DISP2: variants seen among roughly 807,000 people sequenced by gnomAD.
DISP2 encodes the protein protein dispatched homolog 2.
DISP2 carries 59 observed loss-of-function variants against 95.5 expected under a neutral mutation model. The ratio of observed to expected loss-of-function variants is 0.62; its 90% CI spans 0.50 to 0.77. The LOEUF (loss-of-function observed/expected upper bound fraction) is 0.77. DISP2 is among the 30% of genes least tolerant of loss of function. The pLI is 0.00. For missense variants in DISP2, 1,752 were observed against 1,854.6 expected (o/e 0.94, Z 1.02); for synonymous variants, 827 against 815.0 (o/e 1.01, Z -0.25).
At chr15:40,363,041 C>T (rs1003837477) in intron 1 of DISP2, among the ~76,000 whole-genome samples, 1 of 152,004 alleles carries the variant, frequency 6.6e-6, no homozygotes, top group Admixed American at 6.6e-5. Flanking sequence ...CGGTGGCTCA[C>T]GCCTGTAATC....
rs1889351304 is a variant in DISP2, at chr15:40,358,389, A to G, written c.68A>G (p.Glu23Gly). 6 of 1,357,378 alleles carry G rather than the reference A, an allele frequency of 4.4e-6. No individual in the cohort carries two copies. Among genetic ancestry groups the G allele is most frequent in the South Asian group, 1.8e-5 (1 of 56,656 alleles). The allele number at this position is 1,357,378 out of a possible 1,614,324, so 84.1% of individuals were successfully genotyped here. A position where few individuals can be genotyped will look rare whatever the true frequency, so the allele number is the denominator to read the frequency against. ...GCTCCCGGCCCGGGTCCGGAAGGGG[A>G]GCAACGGCCCGAGGGGGAGCCCTTG... ...GPAPGPGPEGEQRPEGEPLAP... is the reference protein window; with the variant it reads ...GPAPGPGPEGGQRPEGEPLAP... Residue 23 changes from glutamate to glycine, a missense_variant, in exon 1 of 8, where the codon GAG becomes GGG. Around this residue, in one of 5 missense-constraint regions of DISP2, gnomAD observed 342 missense variants for 364.3 expected, o/e 0.94. Coordinates refer to ENST00000267889, the MANE Select transcript of DISP2 (RefSeq NM_033510.3).
rs1889626693 is a variant in DISP2, at chr15:40,370,579, C to G, written c.*261C>G. On this transcript the variant is annotated 3_prime_UTR_variant, in exon 8 of 8. Coordinates refer to ENST00000267889, the MANE Select transcript of DISP2 (RefSeq NM_033510.3). ...TGAGGGCTTGTCTGCTCCCACAGCACCATCTAAGACCCCTCCTCTAGAAGT... is the reference window on the plus strand; with the variant it reads ...TGAGGGCTTGTCTGCTCCCACAGCAGCATCTAAGACCCCTCCTCTAGAAGT... The G allele has an allele frequency of 1.5e-6, 1 of 679,006 alleles. No homozygotes were observed. The highest frequency in any genetic ancestry group is 2.7e-6 in the Non-Finnish European group (1 of 375,422). The allele number at this position is 679,006 out of a possible 1,614,324, so 42.1% of individuals were successfully genotyped here.
At chr15:40,361,561 AG>A in intron 1 of DISP2, among the ~76,000 whole-genome samples, 1 of 152,328 alleles carries the variant, frequency 6.6e-6, no homozygotes, top group South Asian at 2.1e-4. Flanking sequence ...CCAGAGCCAA[AG>A]GGTGTTTGAG....
Position 40,368,160 on chromosome 15 carries a change from C to T in DISP2, c.2048C>T (p.Ala683Val). 2 of 1,542,264 alleles carry T rather than the reference C, an allele frequency of 1.3e-6. No homozygotes were observed. Among genetic ancestry groups the T allele is most frequent in the African/African-American group, 1.4e-5 (1 of 70,636 alleles). Reference sequence around the variant, plus strand: ...CGGCTCCGCGGCCTGCGGAGGGCGGCGGCTGGCACCTCGCGTCTGCTCTTC... The same window carrying T: ...CGGCTCCGCGGCCTGCGGAGGGCGGTGGCTGGCACCTCGCGTCTGCTCTTC... ...HRRLRGLRRAAAGTSRLLFQR... is the reference protein window; with the variant it reads ...HRRLRGLRRAVAGTSRLLFQR... The change falls in exon 8 of 8, where the codon GCG (alanine) becomes GTG (valine). Residue 683 changes from alanine (A) to valine (V), a missense_variant. Ala to Val is a moderately conservative substitution (Grantham distance 64). Transcript: ENST00000267889.
chr15:40,367,881 G>A lies in DISP2; in HGVS notation c.1769G>A (p.Gly590Asp), dbSNP rs1327977883. The A allele has an allele frequency of 1.9e-6, 3 of 1,598,948 alleles. No homozygotes were observed. Among genetic ancestry groups the A allele is most frequent in the Middle Eastern group, 1.6e-4 (1 of 6,080 alleles). Residue 590 changes from glycine (G) to aspartate (D), a missense_variant, in exon 8 of 8, where the codon GGC becomes GAC. Transcript: ENST00000267889. The part of the protein sequence containing the change: ...QRVGRTMHHF[G>D]YLLLVSGLTT... ...GTGGGCCGCACCATGCACCACTTCG[G>A]CTACCTGCTGCTGGTCTCCGGCCTC...
At position 40,367,585 on chromosome 15, in the gene DISP2, C is replaced by T. The variant is rs1480982445; in HGVS notation, c.1473C>T (p.Tyr491=). 9.9e-6 allele frequency: 16 copies of T among 1,613,980 alleles called. No homozygotes were observed. Among genetic ancestry groups the T allele is most frequent in the Admixed American group, 3.3e-5 (2 of 60,004 alleles). Residue 491 remains tyrosine, a synonymous_variant, in exon 8 of 8, where the codon TAC becomes TAT. Coordinates refer to ENST00000267889, the MANE Select transcript of DISP2 (RefSeq NM_033510.3). ...LRHFLVQDTV[Y]PLLALVAIFF... is the part of the protein sequence containing the mutation. ...ACTTCCTGGTCCAGGACACGGTGTA[C>T]CCCTTGCTGGCTCTGGTTGCCATCT...
chr15:40,367,424 C>T lies in DISP2; in HGVS notation c.1312C>T (p.Leu438Phe), dbSNP rs370777054. 15 of 1,613,676 alleles carry T rather than the reference C, an allele frequency of 9.3e-6. No individual in the cohort carries two copies. The highest frequency in any genetic ancestry group is 1.7e-5 in the Admixed American group (1 of 59,986). ...GGTGCCTTCCCTCAAGTACAGCCTG[C>T]TCTTCCTGCCCACCCCAAAGGGTGC... ...YQVPSLKYSL[L>F]FLPTPKGASL... Residue 438 changes from leucine (L) to phenylalanine (F), a missense_variant, in exon 8 of 8, where the codon CTC becomes TTC. This residue lies in a region of DISP2 where 732 missense variants were observed against 714.6 expected (regional missense o/e 1.02). Transcript: ENST00000267889.
rs771483396 is a variant in DISP2 at position 40,369,334 on chromosome 15, C to T, written c.3222C>T (p.Gly1074=). 26 of 1,613,048 alleles carry T rather than the reference C, an allele frequency of 1.6e-5. No individual in the cohort carries two copies. Among genetic ancestry groups the T allele is most frequent in the Middle Eastern group, 1.7e-4 (1 of 6,060 alleles). Residue 1074 remains glycine (G), a synonymous_variant, in exon 8 of 8, where the codon GGC becomes GGT. Transcript: ENST00000267889. The part of the protein sequence containing the change: ...AVGAAALFAA[G]VLMLPATVLL... The stretch of plus-strand genomic sequence containing the variant: ...GGGCTGCAGCCCTGTTTGCGGCAGG[C>T]GTGCTCATGCTGCCTGCCACAGTGC...
At chr15:40,363,280 C>A (rs1889435364) in intron 1 of DISP2, among the ~76,000 whole-genome samples, 1 of 150,710 alleles carries the variant, frequency 6.6e-6, no homozygotes, top group Non-Finnish European at 1.5e-5. Context: ...CCACTGCACC[C>A]CAGCCTGGGT....
chr15:40,370,085 C>G lies in DISP2; in HGVS notation c.3973C>G (p.Gln1325Glu). Residue 1325 changes from glutamine (Q) to glutamate (E), a missense_variant, in exon 8 of 8, where the codon CAG (glutamine) becomes GAG (glutamate). Physicochemically the swap from Gln to Glu is conservative, Grantham distance 29. Around this residue, in one of 5 missense-constraint regions of DISP2, gnomAD observed 347 missense variants for 344.2 expected, o/e 1.01. Coordinates refer to ENST00000267889, the MANE Select transcript of DISP2 (RefSeq NM_033510.3). ...VSPDDLDDTG[Q>E]PVLERGQLNG... ...CCCAGATGACCTGGATGACACTGGGCAGCCAGTCCTTGAGCGAGGCCAGCT... is the reference window on the plus strand; with the variant it reads ...CCCAGATGACCTGGATGACACTGGGGAGCCAGTCCTTGAGCGAGGCCAGCT... The G allele has an allele frequency of 6.2e-7, 1 of 1,612,396 alleles. No homozygotes were observed. The highest frequency in any genetic ancestry group is 1.1e-5 in the South Asian group (1 of 90,868).
chr15:40,358,610 C>A (rs1240742498), intron 1 of DISP2, among the ~76,000 whole-genome samples, 170 bp downstream of exon 1: 1 of 152,056 alleles, frequency 6.6e-6, no homozygotes, highest in African/African-American at 2.4e-5. Context: ...CTCATCCTGC[C>A]GGGTCAATTT....
At chr15:40,364,389 C>T (rs747304340) in intron 3 of DISP2, 32 bp from the exon 4 acceptor site, 1 of 1,613,418 alleles carries the variant, frequency 6.2e-7, no homozygotes, top group Non-Finnish European at 8.5e-7. Context: ...GCTACCACAC[C>T]CAACTCATGT....
chr15:40,364,811 T>A, intron 4 of DISP2, 27 bp from the exon 5 acceptor site: 1 of 1,606,484 alleles, frequency 6.2e-7, no homozygotes, highest in African/African-American at 1.3e-5. Flanking sequence ...CCTGCCCACC[T>A]GTTCTTCTCC....
In DISP2 at chr15:40,371,542, A is replaced by G. The variant is rs1889645724; in HGVS notation, c.*1224A>G. 1 of 152,256 alleles carries G rather than the reference A, an allele frequency of 6.6e-6. No individual in the cohort carries two copies. Among genetic ancestry groups the G allele is most frequent in the Non-Finnish European group, 1.5e-5 (1 of 68,078 alleles). The allele number at this position is 152,256 out of a possible 1,614,324, so 9.4% of individuals were successfully genotyped here. A position where few individuals can be genotyped will look rare whatever the true frequency, so the allele number is the denominator to read the frequency against. On this transcript the variant is annotated 3_prime_UTR_variant, in exon 8 of 8. Transcript: ENST00000267889. ...AGGTACTGAGGGGCAGAAGAGGTGAAGCCAAATCCAATCAAGGCAGGAACT... is the reference window on the plus strand; with the variant it reads ...AGGTACTGAGGGGCAGAAGAGGTGAGGCCAAATCCAATCAAGGCAGGAACT...
rs1314219176 is a variant in DISP2 at position 40,372,491 on chromosome 15, A to G, written c.*2173A>G. On this transcript the variant is annotated 3_prime_UTR_variant, in exon 8 of 8. Transcript: ENST00000267889. ...GAAGGCAATAGGCAGGTACGGCAGG[A>G]TACCTTGGCTCCTTTGCAAGATAAG... 6.6e-6 allele frequency: 1 copy of G among 152,222 alleles called. No homozygotes were observed. The highest frequency in any genetic ancestry group is 6.5e-5 in the Admixed American group (1 of 15,280). The allele number at this position is 152,222 out of a possible 1,614,324, so 9.4% of individuals were successfully genotyped here.
In DISP2 at chr15:40,372,786, CTT is replaced by C. The variant is rs1218403064; in HGVS notation, c.*2470_*2471del. On this transcript the variant is annotated 3_prime_UTR_variant, in exon 8 of 8. Transcript: ENST00000267889. ...TCCTCCCAAGCATGAGCAGAAGACA[CTT>C]TGCCTGAACATAACCACTGAAATGT... 6.6e-6 allele frequency: 1 copy of C among 152,200 alleles called. No individual in the cohort carries two copies. The highest frequency in any genetic ancestry group is 2.4e-5 in the African/African-American group (1 of 41,438). 9.4% of individuals were successfully genotyped at this position (152,200 alleles called of 1,614,324 possible). A position where few individuals can be genotyped will look rare whatever the true frequency, so the allele number is the denominator to read the frequency against.
chr15:40,365,464 C>G (rs951295601), intron 6 of DISP2, among the ~76,000 whole-genome samples, 164 bp from the exon 7 acceptor site: 3 of 152,152 alleles, frequency 2.0e-5, no homozygotes, highest in Non-Finnish European at 4.4e-5. Context: ...CAGGGTCAAG[C>G]TGGGTTGGGG....
At chr15:40,366,465 C>T (rs1292438112) in intron 7 of DISP2, among the ~76,000 whole-genome samples, 1 of 152,222 alleles carries the variant, frequency 6.6e-6, no homozygotes, top group African/African-American at 2.4e-5. Context: ...TGATCTCAGG[C>T]CCAAGGTTAC....
Position 40,368,765 on chromosome 15 carries a change from G to A in DISP2, c.2653G>A (p.Asp885Asn), listed in dbSNP as rs1415958667. The change falls in exon 8 of 8, where the codon GAT becomes AAT. Residue 885 changes from aspartate to asparagine, a missense_variant. Transcript: ENST00000267889. ...LKMMALEQGP[D>N]GTQDLGLRFD... Reference sequence around the variant, plus strand: ...AATGATGGCTCTGGAGCAAGGCCCCGATGGCACCCAGGACCTGGGACTCCG... The same window carrying A: ...AATGATGGCTCTGGAGCAAGGCCCCAATGGCACCCAGGACCTGGGACTCCG... 5 of 1,613,798 alleles carry A rather than the reference G, an allele frequency of 3.1e-6. No homozygotes were observed. Among genetic ancestry groups the A allele is most frequent in the Non-Finnish European group, 3.4e-6 (4 of 1,180,036 alleles).
Sources: allele counts gnomAD v4.1 joint callset (sites outside exome capture counted in the v4.1 genomes callset), GRCh38; gene constraint gnomAD v4.1.1; regional missense constraint gnomAD v4.1.1; transcripts MANE v1.5; gene names NCBI Gene and HGNC (gene_info 2026-07-23, HGNC 2026-07-21).